Variants in ZNF208 observed in about 807,000 individuals in gnomAD.
ZNF208 encodes zinc finger protein 95.
A neutral mutation model predicts 12.1 loss-of-function variants in ZNF208; 10 were observed. That is an observed-to-expected ratio of 0.83 (90% CI 0.51 to 1.40). ZNF208 has a LOEUF of 1.40. Among genes scored for constraint, ZNF208 ranks in the 40% most tolerant of loss-of-function variants. The pLI is 0.00. For synonymous variants in ZNF208, 497 were observed against 488.4 expected (o/e 1.02, Z -0.23); for missense variants, 1,652 against 1,485.0 (o/e 1.11, Z -1.85).
intron 1 of ZNF208, among the ~76,000 whole-genome samples, chr19:22,010,579 T>C (rs1305226164): frequency 1.3e-5 from 2 of 152,112 alleles, no homozygotes; most frequent in Non-Finnish European, 2.9e-5. Flanking sequence ...CAGGGCACAA[T>C]CACAGCGCAG....
Position 21,987,445 on chromosome 19 carries a change from G to T in ZNF208, c.131-134C>A, listed in dbSNP as rs537424738. 1.8e-5 allele frequency: 18 copies of T among 1,012,364 alleles called. No homozygotes were observed. In the African/African-American group the frequency reaches 2.2e-4, roughly 12 times the overall value. 62.7% of individuals were successfully genotyped at this position (1,012,364 alleles called of 1,614,324 possible). On this transcript the variant is annotated intron_variant, in intron 2 of 3. Coordinates refer to ENST00000397126, the MANE Select transcript of ZNF208 (RefSeq NM_007153.3). Reference sequence around the variant, plus strand: ...CCAAAATACTAAATTATAATAAGTTGGGAAAAAGGCTTATGGGGTGCCTGT... The same window carrying T: ...CCAAAATACTAAATTATAATAAGTTTGGAAAAAGGCTTATGGGGTGCCTGT...
intron 4 of ZNF208, among the ~76,000 whole-genome samples, chr19:21,955,977 T>G (rs536300528): frequency 6.6e-6 from 1 of 152,338 alleles, no homozygotes; most frequent in Admixed American, 6.5e-5. Flanking sequence ...TTTATCTACC[T>G]TTGGTCTTTG....
chr19:22,001,659 G>A (rs1345491405), intron 1 of ZNF208, among the ~76,000 whole-genome samples: 3 of 151,900 alleles, frequency 2.0e-5, no homozygotes, highest in East Asian at 3.9e-4. Flanking sequence ...GGAGGCCAAG[G>A]TGGGCCAATT....
intron 4 of ZNF208, among the ~76,000 whole-genome samples, chr19:21,954,753 AAT>A (rs1245967685): frequency 6.6e-6 from 1 of 152,162 alleles, no homozygotes; most frequent in East Asian, 1.9e-4. Flanking sequence ...GGGTTTCCTG[AAT>A]ACAACACACT....
chr19:21,940,186 C>T (rs1264158302), intron 4 of ZNF208: 1 of 152,000 alleles, frequency 6.6e-6, no homozygotes, highest in Non-Finnish European at 1.5e-5. Flanking sequence ...CATTTTATCT[C>T]CTAAAGCTAG....
chr19:21,958,132 T>C (rs1970006072), intron 4 of ZNF208, among the ~76,000 whole-genome samples: 2 of 151,936 alleles, frequency 1.3e-5, no homozygotes, highest in South Asian at 4.1e-4. Flanking sequence ...TGACTTCCAA[T>C]TTCATCCATG....
At chr19:21,950,618 C>T (rs1335953550) in intron 4 of ZNF208, among the ~76,000 whole-genome samples, 5 of 152,028 alleles carry the variant, frequency 3.3e-5, no homozygotes, top group Admixed American at 2.6e-4. Context: ...CTCAGCCTCC[C>T]AAGTAGCTGG....
At chr19:21,976,154 C>G (rs1057467084) in intron 3 of ZNF208, among the ~76,000 whole-genome samples, 12 of 152,024 alleles carry the variant, frequency 7.9e-5, no homozygotes, top group African/African-American at 2.9e-4. Context: ...GAGATAAAAG[C>G]ATAGGAATTA....
chr19:21,975,063 A>G (rs1426049066), intron 3 of ZNF208, among the ~76,000 whole-genome samples: 1 of 152,186 alleles, frequency 6.6e-6, no homozygotes, highest in Non-Finnish European at 1.5e-5. Flanking sequence ...AGAAAAAAAG[A>G]AAAGTTTGTT....
At position 21,967,024 on chromosome 19, in the gene ZNF208, T is replaced by C. The variant is rs1262368003; in HGVS notation, c.*4167A>G. On this transcript the variant is annotated 3_prime_UTR_variant, in exon 4 of 4. Transcript: ENST00000397126. The stretch of plus-strand genomic sequence containing the variant: ...TTTATTTCATACTGTAGGTCATCTG[T>C]TTACTTTGCTGATAGTTTCTTTTAC... 6.6e-6 allele frequency: 1 copy of C among 152,168 alleles called. No homozygotes were observed. The highest frequency in any genetic ancestry group is 1.9e-4 in the East Asian group (1 of 5,188). 9.4% of individuals were successfully genotyped at this position (152,168 alleles called of 1,614,324 possible). A position where few individuals can be genotyped will look rare whatever the true frequency, so the allele number is the denominator to read the frequency against.
At position 21,967,652 on chromosome 19, in the gene ZNF208, CTGAGA is replaced by C. The variant is rs1331990221; in HGVS notation, c.*3534_*3538del. The C allele has an allele frequency of 1.3e-5, 2 of 152,164 alleles. No individual in the cohort carries two copies. The highest frequency in any genetic ancestry group is 2.9e-5 in the Non-Finnish European group (2 of 68,008). 9.4% of individuals were successfully genotyped at this position (152,164 alleles called of 1,614,324 possible). On this transcript the variant is annotated 3_prime_UTR_variant, in exon 4 of 4. Transcript: ENST00000397126. Reference sequence around the variant, plus strand: ...CCATCCATCTCAGCCTCCCAAAGGGCTGAGATGACAGGCATGAGCCACCATGCTTG... The same window carrying C: ...CCATCCATCTCAGCCTCCCAAAGGGCTGACAGGCATGAGCCACCATGCTTG...
At chr19:21,977,548 G>A (rs762059886) in intron 3 of ZNF208, among the ~76,000 whole-genome samples, 3 of 152,196 alleles carry the variant, frequency 2.0e-5, no homozygotes, top group Admixed American at 2.0e-4. Context: ...CTCCAGCCCA[G>A]ATACTGTGCT....
intron 1 of ZNF208, among the ~76,000 whole-genome samples, chr19:22,001,609 G>C (rs1246871270): frequency 1.3e-5 from 2 of 152,054 alleles, no homozygotes; most frequent in East Asian, 3.9e-4. Context: ...TCAACAAAAG[G>C]CTGGGCCTGG....
At chr19:21,945,939 C>T (rs1478905898) in intron 4 of ZNF208, among the ~76,000 whole-genome samples, 1 of 151,456 alleles carries the variant, frequency 6.6e-6, no homozygotes, top group Non-Finnish European at 1.5e-5. Context: ...GTTAAGGGAA[C>T]TAGCACAGGG....
Position 21,974,253 on chromosome 19 carries a change from C to A in ZNF208, c.781G>T (p.Glu261Ter), listed in dbSNP as rs769157636. 4 of 1,612,468 alleles carry A rather than the reference C, an allele frequency of 2.5e-6. No individual in the cohort carries two copies. The highest frequency in any genetic ancestry group is 3.4e-6 in the Non-Finnish European group (4 of 1,179,192). The change falls in exon 4 of 4, where the codon GAA becomes TAA. Residue 261 changes from glutamate (E) to a stop codon, truncating the protein, a stop_gained. Coordinates refer to ENST00000397126, the MANE Select transcript of ZNF208 (RefSeq NM_007153.3). LOFTEE classifies it low-confidence loss of function (END_TRUNC). ...GATTGGTTAAAAGCCTTGCCACATT[C>A]TTCACATTTGTAGGATTTCTCTCCA... ...HTGEKSYKCE[E>*]CGKAFNQSAI...
chr19:21,962,362 C>A (rs1258961387), downstream of ZNF208, among the ~76,000 whole-genome samples: 2 of 152,098 alleles, frequency 1.3e-5, no homozygotes, highest in Non-Finnish European at 2.9e-5. Flanking sequence ...CTTATATTAA[C>A]TGTGAGTTAT....
At chr19:21,986,075 T>C (rs1970624861) in intron 3 of ZNF208, among the ~76,000 whole-genome samples, 1 of 152,226 alleles carries the variant, frequency 6.6e-6, no homozygotes, top group Non-Finnish European at 1.5e-5. Context: ...ATAAAAACTT[T>C]AAGAGGTGTT....
Position 21,967,051 on chromosome 19 carries a change from G to T in ZNF208, c.*4140C>A, listed in dbSNP as rs1033606976. 4.6e-5 allele frequency: 7 copies of T among 152,012 alleles called. No homozygotes were observed. Among genetic ancestry groups the T allele is most frequent in the Admixed American group, 3.9e-4 (6 of 15,252 alleles). 9.4% of individuals were successfully genotyped at this position (152,012 alleles called of 1,614,324 possible). A position where few individuals can be genotyped will look rare whatever the true frequency, so the allele number is the denominator to read the frequency against. ...TACTTTGCTGATAGTTTCTTTTACT[G>T]TGCAGAAGCTCTTTGGCTTAGATGC... On this transcript the variant is annotated 3_prime_UTR_variant, in exon 4 of 4. Transcript: ENST00000397126.
At chr19:21,989,153 T>A (rs1177283322) in intron 1 of ZNF208, among the ~76,000 whole-genome samples, 2 of 151,808 alleles carry the variant, frequency 1.3e-5, no homozygotes, top group South Asian at 4.2e-4. Flanking sequence ...TAATTACATA[T>A]GTATACATGT....
Sources: gnomAD v4.1 joint callset for allele counts (sites outside exome capture counted in the v4.1 genomes callset) on GRCh38, gnomAD v4.1.1 for gene constraint, MANE v1.5 for transcripts, NCBI Gene and HGNC (gene_info 2026-07-23, HGNC 2026-07-21) for gene names.